The following ARHGAP26 variants were observed in gnomAD, a reference collection of about 807,000 sequenced individuals.
ARHGAP26 encodes the protein Rho GTPase activating protein 26, also known as rho GTPase-activating protein 26.
In ARHGAP26, 38 loss-of-function variants were observed where a neutral mutation model predicts 104.8. The observed-to-expected ratio is 0.36, with a 90% CI of 0.28 to 0.48. ARHGAP26 has a LOEUF of 0.48. ARHGAP26 is among the 20% of genes least tolerant of loss of function. ARHGAP26 has a pLI of 0.99. For missense variants in ARHGAP26, 704 were observed against 947.9 expected (o/e 0.74, Z 3.38); for synonymous variants, 341 against 340.0 (o/e 1.00, Z -0.03).
chr5:143,148,337 T>C (rs1448596718), intron 20 of ARHGAP26, among the ~76,000 whole-genome samples: 1 of 152,192 alleles, frequency 6.6e-6, no homozygotes, highest in African/African-American at 2.4e-5. Flanking sequence ...GACAGCACCC[T>C]GCCATTCAAT....
intron 20 of ARHGAP26, among the ~76,000 whole-genome samples, chr5:143,152,253 T>C (rs1369865240): frequency 6.6e-6 from 1 of 152,216 alleles, no homozygotes; most frequent in Admixed American, 6.5e-5. Context: ...AATATAAATA[T>C]TGGTTCATGA....
At chr5:142,995,060 C>A (rs1192130034) in intron 11 of ARHGAP26, among the ~76,000 whole-genome samples, 1 of 152,148 alleles carries the variant, frequency 6.6e-6, no homozygotes, top group South Asian at 2.1e-4. Context: ...ACAATAAAAA[C>A]CCTAGAAGAA....
chr5:142,976,362 C>T (rs1394718524), intron 11 of ARHGAP26, among the ~76,000 whole-genome samples: 50 of 152,150 alleles, frequency 3.3e-4, no homozygotes, highest in Non-Finnish European at 1.5e-5. Context: ...TGTAGAGGAT[C>T]TACTGCTTCT....
chr5:143,184,698 C>T (rs994440153), intron 20 of ARHGAP26, among the ~76,000 whole-genome samples: 1 of 152,124 alleles, frequency 6.6e-6, no homozygotes, highest in Non-Finnish European at 1.5e-5. Context: ...GCTTTCATTT[C>T]TTTTGGAGGG....
rs770972810 is a variant in ARHGAP26, at chr5:143,134,084, A to G, written c.1816A>G (p.Thr606Ala). 1.2e-6 allele frequency: 2 copies of G among 1,611,062 alleles called. No homozygotes were observed. The highest frequency in any genetic ancestry group is 2.7e-5 in the African/African-American group (2 of 74,840). ...CGAGAGGCCCCTGACGCTCTTCCACACCGTTCAGTCAACAGAGAAACGTGA... is the reference window on the plus strand; with the variant it reads ...CGAGAGGCCCCTGACGCTCTTCCACGCCGTTCAGTCAACAGAGAAACGTGA... ...CSERPLTLFHTVQSTEKQEQR... is the reference protein window; with the variant it reads ...CSERPLTLFHAVQSTEKQEQR... The change falls in exon 19 of 23, where the codon ACC (threonine) becomes GCC (alanine). Residue 606 changes from threonine to alanine, a missense_variant. Coordinates refer to ENST00000645722, the MANE Select transcript of ARHGAP26 (RefSeq NM_001135608.3).
chr5:142,984,560 G>T (rs1482657969), intron 11 of ARHGAP26, among the ~76,000 whole-genome samples: 1 of 152,170 alleles, frequency 6.6e-6, no homozygotes, highest in African/African-American at 2.4e-5. Context: ...TCAGTGGGCT[G>T]CTATACATGA....
At chr5:143,182,771 G>A (rs1804572258) in intron 20 of ARHGAP26, among the ~76,000 whole-genome samples, 1 of 152,192 alleles carries the variant, frequency 6.6e-6, no homozygotes, top group Non-Finnish European at 1.5e-5. Context: ...GTTCTCTTAA[G>A]TAAACAGTCA....
intron 13 of ARHGAP26, among the ~76,000 whole-genome samples, chr5:143,040,450 A>G (rs557929010): frequency 6.6e-6 from 1 of 152,326 alleles, no homozygotes; most frequent in East Asian, 1.9e-4. Context: ...TTGATGGAGT[A>G]TAATCTCGTG....
rs143513726 is a variant in ARHGAP26 at position 142,889,993 on chromosome 5, G to A, written c.487-4245G>A. Among the ~76,000 whole-genome samples, 303 of 150,570 alleles carry A rather than the reference G, an allele frequency of 2.0e-3. 3 individuals carry two copies. The highest frequency in any genetic ancestry group is 7.0e-3 in the African/African-American group (288 of 41,026). ...TCTATTAAAAATACAAAATTGGCCG[G>A]GCATGGTGGTGCATGCCTGTAATCC... On this transcript the variant is annotated intron_variant, in intron 5 of 22. Coordinates refer to ENST00000645722, the MANE Select transcript of ARHGAP26 (RefSeq NM_001135608.3).
chr5:142,991,187 T>C (rs1390385335), intron 11 of ARHGAP26, among the ~76,000 whole-genome samples: 1 of 152,234 alleles, frequency 6.6e-6, no homozygotes, highest in Non-Finnish European at 1.5e-5. Context: ...CCAGCCTTGC[T>C]GCCGCCTTGC....
chr5:143,037,304 C>T (rs779614283), intron 13 of ARHGAP26, 43 bp downstream of exon 13: 21 of 1,515,504 alleles, frequency 1.4e-5, no homozygotes, highest in East Asian at 9.3e-5. Flanking sequence ...TAGAAGGTCA[C>T]GCATCTGGTG....
In ARHGAP26 at chr5:142,771,027, G is replaced by C. The variant is rs571086729; in HGVS notation, c.154+112G>C. 15 of 1,447,338 alleles carry C rather than the reference G, an allele frequency of 1.0e-5. No individual in the cohort carries two copies. The Admixed American group carries it at 3.2e-4, about 31-fold the overall frequency. The allele number at this position is 1,447,338 out of a possible 1,614,324, so 89.7% of individuals were successfully genotyped here. A position where few individuals can be genotyped will look rare whatever the true frequency, so the allele number is the denominator to read the frequency against. ...CCGGGTTTCTGCTCCCGGTACACTG[G>C]GGGACGGGTGTCGACGCCTCCGAGG... On this transcript the variant is annotated intron_variant, in intron 1 of 22. Transcript: ENST00000645722.
chr5:142,961,406 T>C (rs10057931), intron 11 of ARHGAP26, among the ~76,000 whole-genome samples: 13,133 of 152,024 alleles, frequency 0.086, 1,468 homozygotes, highest in African/African-American at 0.25. Context: ...GTGGGAGGAT[T>C]GATCGAGGTT....
intron 20 of ARHGAP26, among the ~76,000 whole-genome samples, chr5:143,193,113 G>GAAGT (rs1408990780): frequency 6.6e-6 from 1 of 152,066 alleles, no homozygotes; most frequent in African/African-American, 2.4e-5. Flanking sequence ...CCCACATGAT[G>GAAGT]AAGTCCTGCT....
At chr5:142,957,375 G>A (rs905146483) in intron 11 of ARHGAP26, among the ~76,000 whole-genome samples, 1 of 151,976 alleles carries the variant, frequency 6.6e-6, no homozygotes, top group Admixed American at 6.6e-5. Flanking sequence ...TAAATATAAG[G>A]TTACCTTATT....
chr5:142,803,985 G>A (rs916439980), intron 1 of ARHGAP26, among the ~76,000 whole-genome samples: 6 of 148,720 alleles, frequency 4.0e-5, no homozygotes, highest in Non-Finnish European at 8.9e-5. Context: ...CACTGTCATA[G>A]TAATCCTTAA....
chr5:142,809,499 G>A (rs1197245243), intron 1 of ARHGAP26, among the ~76,000 whole-genome samples: 1 of 152,164 alleles, frequency 6.6e-6, no homozygotes, highest in Non-Finnish European at 1.5e-5. Flanking sequence ...AGAAAGTCAA[G>A]ATGGCTTTTG....
At chr5:142,910,790 C>T (rs1280799014) in intron 9 of ARHGAP26, among the ~76,000 whole-genome samples, 1 of 152,156 alleles carries the variant, frequency 6.6e-6, no homozygotes, top group East Asian at 1.9e-4. Context: ...GTTGCCCAGG[C>T]TGGCCTCAAA....
At chr5:143,074,822 A>G (rs1788757565) in intron 17 of ARHGAP26, among the ~76,000 whole-genome samples, 1 of 152,254 alleles carries the variant, frequency 6.6e-6, no homozygotes, top group African/African-American at 2.4e-5. Flanking sequence ...GTTATATCAC[A>G]TGCCTACAGC....
Sources: allele counts gnomAD v4.1 joint callset (sites outside exome capture counted in the v4.1 genomes callset), GRCh38; gene constraint gnomAD v4.1.1; transcripts MANE v1.5; gene names NCBI Gene and HGNC (gene_info 2026-07-23, HGNC 2026-07-21).